Variants in PSD3 observed in about 807,000 individuals in gnomAD.
PSD3 encodes PH and SEC7 domain-containing protein 3.
A neutral mutation model predicts 105.5 loss-of-function variants in PSD3; 49 were observed. The ratio of observed to expected loss-of-function variants is 0.46; its 90% CI spans 0.37 to 0.59. The LOEUF is 0.59. PSD3 is among the 20% of genes least tolerant of loss of function. The pLI is 0.00. For missense variants in PSD3, 1,561 were observed against 1,263.8 expected, an observed-to-expected ratio of 1.24 and a Z score of -3.57; for synonymous variants, 557 against 457.8, an observed-to-expected ratio of 1.22 and a Z score of -2.77.
At chr8:18,623,365 G>A (rs567791640) in intron 11 of PSD3, among the ~76,000 whole-genome samples, 57 of 145,708 alleles carry the variant, frequency 3.9e-4, no homozygotes, top group Non-Finnish European at 7.3e-4. Flanking sequence ...TAATCCCAGC[G>A]CTCTGGGAAG....
At chr8:18,884,665 A>G (rs897636746) in intron 2 of PSD3, among the ~76,000 whole-genome samples, 1 of 152,168 alleles carries the variant, frequency 6.6e-6, no homozygotes, top group South Asian at 2.1e-4. Flanking sequence ...ACCACTACAC[A>G]AGCTTCTAAC....
chr8:18,872,783 C>T, intron 2 of PSD3, 50 bp from the exon 3 acceptor site: 1 of 1,468,042 alleles, frequency 6.8e-7, no homozygotes, highest in South Asian at 1.4e-5. Flanking sequence ...AAGACAGGGC[C>T]CAGTAGGTAA....
intron 1 of PSD3, among the ~76,000 whole-genome samples, chr8:19,077,169 T>C (rs990113749): frequency 6.6e-6 from 1 of 152,192 alleles, no homozygotes; most frequent in East Asian, 1.9e-4. Context: ...AATATTTTCA[T>C]TGATACTGCA....
chr8:18,667,499 C>G (rs1274761398), intron 9 of PSD3, among the ~76,000 whole-genome samples: 1 of 152,200 alleles, frequency 6.6e-6, no homozygotes, highest in Non-Finnish European at 1.5e-5. Flanking sequence ...AGAGTGCCCA[C>G]TGGTGCCTCC....
intron 1 of PSD3, among the ~76,000 whole-genome samples, chr8:18,959,941 G>C (rs1022313189): frequency 6.6e-6 from 1 of 152,156 alleles, no homozygotes; most frequent in African/African-American, 2.4e-5. Context: ...TGAGGCCAGG[G>C]AAATGTCACC....
At chr8:18,895,018 C>G (rs903816286) in intron 2 of PSD3, among the ~76,000 whole-genome samples, 3 of 152,220 alleles carry the variant, frequency 2.0e-5, no homozygotes, top group African/African-American at 7.2e-5. Context: ...TGTTACATAT[C>G]TACATTATCT....
rs115355151 is a variant in PSD3, at chr8:18,929,782, T to C, written c.130+6252A>G. On this transcript the variant is annotated intron_variant, in intron 2 of 15. Coordinates refer to ENST00000327040, the MANE Select transcript of PSD3 (RefSeq NM_015310.4). ...ATTTAATGAAACAACTGACCCTCGA[T>C]GAAGCAAAAATCCAGGAAACAGAAG... Among the ~76,000 whole-genome samples, 536 of 152,066 alleles carry C rather than the reference T, an allele frequency of 3.5e-3. 4 individuals are homozygous for C. The highest frequency in any genetic ancestry group is 0.012 in the African/African-American group (491 of 41,468).
intron 2 of PSD3, among the ~76,000 whole-genome samples, chr8:18,910,644 A>C (rs1820155706): frequency 6.8e-6 from 1 of 147,196 alleles, no homozygotes; most frequent in South Asian, 2.2e-4. Context: ...TAATAAAAAA[A>C]AAAAAAAAAA....
At chr8:18,963,555 G>A (rs963617106) in intron 1 of PSD3, among the ~76,000 whole-genome samples, 1 of 152,082 alleles carries the variant, frequency 6.6e-6, no homozygotes, top group African/African-American at 2.4e-5. Context: ...CGATTCAGAG[G>A]GGTAAGCAGA....
At chr8:18,885,535 C>T (rs1818397993) in intron 2 of PSD3, among the ~76,000 whole-genome samples, 1 of 152,166 alleles carries the variant, frequency 6.6e-6, no homozygotes, top group African/African-American at 2.4e-5. Flanking sequence ...TGATCAACTA[C>T]AGCTGTGGAC....
chr8:19,025,995 G>C (rs1404549803), intron 1 of PSD3, among the ~76,000 whole-genome samples: 1 of 152,170 alleles, frequency 6.6e-6, no homozygotes, highest in East Asian at 1.9e-4. Context: ...CATGGCAGAA[G>C]ACGAAGGAGA....
chr8:18,570,843 CTAT>C lies in PSD3; in HGVS notation c.2784+1682_2784+1684del, dbSNP rs57603961. Among the ~76,000 whole-genome samples, 489 of 117,388 alleles carry C rather than the reference CTAT, an allele frequency of 4.2e-3. 3 individuals carry two copies. Among genetic ancestry groups the C allele is most frequent in the African/African-American group, 0.011 (409 of 37,500 alleles). The allele number at this position is 117,388 out of a possible 152,430, so 77.0% of individuals were successfully genotyped here. A position where few individuals can be genotyped will look rare whatever the true frequency, so the allele number is the denominator to read the frequency against. ...GATCACATTACTGTCCTGCTTAAAA[CTAT>C]TATTATTATTATTATTATTATTATT... On this transcript the variant is annotated intron_variant, in intron 14 of 15. Transcript: ENST00000327040.
chr8:18,999,621 T>C (rs1367399075), intron 1 of PSD3, among the ~76,000 whole-genome samples: 1 of 151,792 alleles, frequency 6.6e-6, no homozygotes, highest in Non-Finnish European at 1.5e-5. Context: ...CACAAGAGAA[T>C]TCTACTGACA....
At chr8:18,843,553 G>A (rs775744604) in intron 4 of PSD3, among the ~76,000 whole-genome samples, 2 of 152,098 alleles carry the variant, frequency 1.3e-5, no homozygotes, top group African/African-American at 4.8e-5. Flanking sequence ...TTTATAATGC[G>A]TTCTCCTCTT....
intron 4 of PSD3, among the ~76,000 whole-genome samples, chr8:18,856,406 C>G (rs1816010356): frequency 7.2e-6 from 1 of 138,526 alleles, no homozygotes; most frequent in African/African-American, 2.5e-5. Flanking sequence ...CAGGGGTTCT[C>G]TGAGTCCCAA....
At chr8:19,035,690 G>A (rs1346701407) in intron 1 of PSD3, among the ~76,000 whole-genome samples, 2 of 150,684 alleles carry the variant, frequency 1.3e-5, no homozygotes, top group Non-Finnish European at 3.0e-5. Context: ...ATACACTCAG[G>A]CAGAAGAGAA....
intron 11 of PSD3, among the ~76,000 whole-genome samples, chr8:18,605,222 G>A (rs1804731476): frequency 6.6e-6 from 1 of 152,190 alleles, no homozygotes; most frequent in Admixed American, 6.5e-5. Flanking sequence ...ACCCTGCAAA[G>A]CCACAGAGAC....
In PSD3 at chr8:18,836,683, C is replaced by T. The variant is rs1244772993; in HGVS notation, c.1634+30991G>A. 4.6e-5 allele frequency among the ~76,000 whole-genome samples: 7 copies of T among 152,114 alleles called. No individual in the cohort carries two copies. The East Asian group carries it at 1.3e-3, about 29-fold the overall frequency. The stretch of plus-strand genomic sequence containing the variant: ...TGGTGTAGTATTTGCATATAGCCTA[C>T]ACACACCGTCTGGTACACTTTAAAT... On this transcript the variant is annotated intron_variant, in intron 4 of 15. Transcript: ENST00000327040.
chr8:18,907,310 C>T (rs547668068), intron 2 of PSD3, among the ~76,000 whole-genome samples: 1 of 152,116 alleles, frequency 6.6e-6, no homozygotes, highest in Admixed American at 6.5e-5. Flanking sequence ...TATGATGGTA[C>T]AATTTTTTGT....
Sources: allele counts gnomAD v4.1 joint callset (sites outside exome capture counted in the v4.1 genomes callset), GRCh38; gene constraint gnomAD v4.1.1; transcripts MANE v1.5; gene names NCBI Gene and HGNC (gene_info 2026-07-23, HGNC 2026-07-21).